The following SLC9A3 variants were observed in gnomAD, a reference collection of about 807,000 sequenced individuals.
SLC9A3 encodes the protein solute carrier family 9 member A3, also known as sodium/hydrogen exchanger 3.
Under a neutral mutation model 86.8 loss-of-function variants are expected in SLC9A3, and 37 were observed. The observed-to-expected ratio is 0.43, with a 90% confidence interval of 0.33 to 0.56. The LOEUF is 0.56. Ranked by LOEUF, SLC9A3 falls within the 20% of genes least tolerant of loss-of-function variation. The pLI is 0.06. For synonymous variants in SLC9A3, 581 were observed against 528.3 expected, an observed-to-expected ratio of 1.10 and a Z score of -1.37; for missense variants, 1,011 against 1,171.9, an observed-to-expected ratio of 0.86 and a Z score of 2.00.
At chr5:501,268 G>A (rs1379527055) in intron 1 of SLC9A3, among the ~76,000 whole-genome samples, 3 of 152,178 alleles carry the variant, frequency 2.0e-5, no homozygotes, top group Non-Finnish European at 2.9e-5. Flanking sequence ...ACAGAGGGAC[G>A]GGGCTTGGTC....
chr5:473,447 G>A (rs1210226934), intron 16 of SLC9A3, 65 bp from the exon 17 acceptor site: 6 of 1,296,510 alleles, frequency 4.6e-6, no homozygotes, highest in Non-Finnish European at 5.9e-6. Flanking sequence ...GGGCGTCCCC[G>A]GGGGCCTCAG....
chr5:508,574 C>T (rs1276387450), intron 1 of SLC9A3, among the ~76,000 whole-genome samples: 4 of 134,172 alleles, frequency 3.0e-5, no homozygotes, highest in Admixed American at 2.3e-4. Flanking sequence ...GGCCTCAGCG[C>T]GCCCGGGGAT....
Position 484,502 on chromosome 5 carries a change from T to C in SLC9A3, c.932+18A>G, listed in dbSNP as rs914473072. On this transcript the variant is annotated intron_variant, in intron 5 of 16. Transcript: ENST00000264938. ...GGAGGAGGGCGTGGAGAAGCTCGCG[T>C]GTGTGGGAGGGACTCACGCGAGGAT... The C allele has an allele frequency of 4.4e-6, 7 of 1,609,142 alleles. No homozygotes were observed. In the African/African-American group the frequency reaches 9.5e-5, roughly 22 times the overall value.
chr5:473,162 A>T lies in SLC9A3; in HGVS notation c.*217T>A. The T allele has an allele frequency of 9.8e-6, 4 of 407,744 alleles. No homozygotes were observed. Among genetic ancestry groups the T allele is most frequent in the Non-Finnish European group, 1.6e-5 (4 of 255,284 alleles). The allele number at this position is 407,744 out of a possible 1,614,324, so 25.3% of individuals were successfully genotyped here. ...GGCGCTCCGGCCCCGCCCCCGGCGC[A>T]GGCCCCGCCCCCGGCTCGCCCTCGG... On this transcript the variant is annotated 3_prime_UTR_variant, in exon 17 of 17. Coordinates refer to ENST00000264938, the MANE Select transcript of SLC9A3 (RefSeq NM_004174.4).
At chr5:499,915 G>GC (rs1740185168) in intron 1 of SLC9A3, among the ~76,000 whole-genome samples, 2 of 152,236 alleles carry the variant, frequency 1.3e-5, no homozygotes, top group Admixed American at 1.3e-4. Flanking sequence ...GTGTGGAGGG[G>GC]CCACTGCACC....
In SLC9A3 at chr5:471,646, G is replaced by A. The variant is rs1408198866; in HGVS notation, c.*1733C>T. The stretch of plus-strand genomic sequence containing the variant: ...CTGACTGGGCAGGGCTTGCTGCATA[G>A]AGGATGGCTGCATTTTGTGCTCAGA... On this transcript the variant is annotated 3_prime_UTR_variant, in exon 17 of 17. Coordinates refer to ENST00000264938, the MANE Select transcript of SLC9A3 (RefSeq NM_004174.4). The A allele has an allele frequency of 1.2e-5, 5 of 403,700 alleles. No individual in the cohort carries two copies. Among genetic ancestry groups the A allele is most frequent in the East Asian group, 7.1e-5 (1 of 14,158 alleles). 25.0% of individuals were successfully genotyped at this position (403,700 alleles called of 1,614,324 possible). A position where few individuals can be genotyped will look rare whatever the true frequency, so the allele number is the denominator to read the frequency against.
chr5:516,723 A>C (rs541963976), intron 1 of SLC9A3, among the ~76,000 whole-genome samples: 2 of 152,322 alleles, frequency 1.3e-5, no homozygotes, highest in East Asian at 3.9e-4. Flanking sequence ...GATGGTGCTC[A>C]CCATGCTGAG....
chr5:472,543 G>C lies in SLC9A3; in HGVS notation c.*836C>G. ...GGCCGGAGACCTCGTCTGTGGGGAC[G>C]GGCCGTGTCCGGGGCCGCCACCCTG... On this transcript the variant is annotated 3_prime_UTR_variant, in exon 17 of 17. Transcript: ENST00000264938. The C allele has an allele frequency of 2.9e-6, 1 of 344,572 alleles. No individual in the cohort carries two copies. The highest frequency in any genetic ancestry group is 5.8e-6 in the Non-Finnish European group (1 of 173,780). 21.3% of individuals were successfully genotyped at this position (344,572 alleles called of 1,614,324 possible). A position where few individuals can be genotyped will look rare whatever the true frequency, so the allele number is the denominator to read the frequency against.
At chr5:501,942 AGGCCGGGCCCCCG>A in intron 1 of SLC9A3, among the ~76,000 whole-genome samples, 2 of 152,346 alleles carry the variant, frequency 1.3e-5, no homozygotes, top group East Asian at 1.9e-4. Context: ...TCTCCGAGCG[AGGCCGGGCCCCCG>A]GGCCGGGAAG....
At chr5:474,806 A>AGC in intron 16 of SLC9A3, 77 bp downstream of exon 16, 1 of 446,590 alleles carries the variant, frequency 2.2e-6, no homozygotes, top group Admixed American at 4.4e-5. Context: ...GGAGAGAGAC[A>AGC]GCGCGCGCGA....
In SLC9A3 at chr5:523,437, C is replaced by G. The variant is rs76117826; in HGVS notation, c.211+675G>C. Among the ~76,000 whole-genome samples, 875 of 152,206 alleles carry G rather than the reference C, an allele frequency of 5.7e-3. 7 individuals are homozygous for G. The highest frequency in any genetic ancestry group is 0.02 in the African/African-American group (843 of 41,526). On this transcript the variant is annotated intron_variant, in intron 1 of 16. Transcript: ENST00000264938. ...CACGAGTGACCACCTCCCTGCCACC[C>G]CTGGAGAGACCCTACCCTGTGGACC...
chr5:476,406 C>G, intron 12 of SLC9A3, 28 bp from the exon 13 acceptor site: 1 of 1,612,550 alleles, frequency 6.2e-7, no homozygotes. Context: ...GAGGTCACAG[C>G]TGTGCCCACC....
chr5:475,511 C>G (rs41282625), intron 15 of SLC9A3, 50 bp downstream of exon 15: 377,057 of 1,113,234 alleles, frequency 0.34, 71,008 homozygotes, highest in Non-Finnish European at 0.4. Context: ...CCTCCTGGGG[C>G]GGCAGGAGCC....
At chr5:523,685 G>A (rs1333429165) in intron 1 of SLC9A3, among the ~76,000 whole-genome samples, 1 of 151,932 alleles carries the variant, frequency 6.6e-6, no homozygotes, top group African/African-American at 2.4e-5. Flanking sequence ...CATGCGGGTA[G>A]CACCGCTTTT....
chr5:495,454 G>A (rs369223596), intron 1 of SLC9A3, among the ~76,000 whole-genome samples: 1 of 23,864 alleles, frequency 4.2e-5, no homozygotes, highest in Non-Finnish European at 8.0e-5. Flanking sequence ...TCCACTCCCC[G>A]CGCCATCGCC....
At chr5:482,787 G>A (rs3777234) in intron 6 of SLC9A3, 37 bp from the exon 7 acceptor site, 23,393 of 1,520,930 alleles carry the variant, frequency 0.015, 406 homozygotes, top group East Asian at 0.07. Flanking sequence ...CTCCCCGGCC[G>A]CCCTCCCAGC....
rs70955250 is a variant in SLC9A3, at chr5:473,144, CGGCCCCGCCCCCGGCGCA to C, written c.*217_*234del. 145 of 244,572 alleles carry C rather than the reference CGGCCCCGCCCCCGGCGCA, an allele frequency of 5.9e-4. 1 individual carries two copies. Among genetic ancestry groups the C allele is most frequent in the South Asian group, 4.4e-3 (29 of 6,560 alleles). The allele number at this position is 244,572 out of a possible 1,614,324, so 15.2% of individuals were successfully genotyped here. A position where few individuals can be genotyped will look rare whatever the true frequency, so the allele number is the denominator to read the frequency against. On this transcript the variant is annotated 3_prime_UTR_variant, in exon 17 of 17. Coordinates refer to ENST00000264938, the MANE Select transcript of SLC9A3 (RefSeq NM_004174.4). ...GCGCACTCGGCAGCCCTCGGCGCTC[CGGCCCCGCCCCCGGCGCA>C]GGCCCCGCCCCCGGCTCGCCCTCGG...
intron 1 of SLC9A3, among the ~76,000 whole-genome samples, chr5:522,804 G>A (rs971691032): frequency 1.5e-4 from 23 of 152,092 alleles, no homozygotes; most frequent in African/African-American, 5.1e-4. Flanking sequence ...GGGCACTCCC[G>A]TCAGAGGAAA....
intron 1 of SLC9A3, among the ~76,000 whole-genome samples, chr5:501,495 G>T (rs373117299): frequency 2.6e-5 from 4 of 152,220 alleles, no homozygotes; most frequent in African/African-American, 9.6e-5. Flanking sequence ...CCTCCCGGGG[G>T]ACGAGGGGCC....
Sources: gnomAD v4.1 joint callset for allele counts (sites outside exome capture counted in the v4.1 genomes callset) on GRCh38, gnomAD v4.1.1 for gene constraint, MANE v1.5 for transcripts, NCBI Gene and HGNC (gene_info 2026-07-23, HGNC 2026-07-21) for gene names.